Variants in NLGN1 observed in about 807,000 individuals in gnomAD.
NLGN1 encodes the protein neuroligin-1.
Under a neutral mutation model 65.5 loss-of-function variants are expected in NLGN1, and 12 were observed. That is an observed-to-expected ratio of 0.18 (90% CI 0.12 to 0.30). NLGN1 has a LOEUF of 0.30. Ranked by LOEUF, NLGN1 falls within the 10% of genes least tolerant of loss-of-function variation. The pLI, the probability that NLGN1 is intolerant of heterozygous loss-of-function variation, is 1.00. For synonymous variants in NLGN1, 350 were observed against 359.5 expected (o/e 0.97, Z 0.30); for missense variants, 750 against 1,007.1 (o/e 0.74, Z 3.46).
chr3:173,581,018 T>C (rs951068889), intron 2 of NLGN1, among the ~76,000 whole-genome samples: 4 of 152,002 alleles, frequency 2.6e-5, no homozygotes, highest in African/African-American at 9.7e-5. Flanking sequence ...AATATAATGG[T>C]ACATCTGCTT....
chr3:173,537,803 G>A (rs1376383303), intron 2 of NLGN1, among the ~76,000 whole-genome samples: 2 of 152,106 alleles, frequency 1.3e-5, no homozygotes, highest in African/African-American at 4.8e-5. Context: ...GATATCAAGA[G>A]ATGCCCTAAA....
chr3:173,620,989 A>G (rs1211211822), intron 3 of NLGN1, among the ~76,000 whole-genome samples: 1 of 152,198 alleles, frequency 6.6e-6, no homozygotes, highest in Non-Finnish European at 1.5e-5. Flanking sequence ...GTAAGTCAGA[A>G]AATGCATATT....
At chr3:173,917,638 C>T (rs1319660416) in intron 4 of NLGN1, among the ~76,000 whole-genome samples, 1 of 152,132 alleles carries the variant, frequency 6.6e-6, no homozygotes, top group Non-Finnish European at 1.5e-5. Flanking sequence ...AGTCCTTAGT[C>T]CCCTAGTGAT....
intron 3 of NLGN1, among the ~76,000 whole-genome samples, chr3:173,734,631 G>T (rs1773448778): frequency 6.6e-6 from 1 of 151,552 alleles, no homozygotes; most frequent in South Asian, 2.1e-4. Flanking sequence ...TTGAACTCCT[G>T]GCCTCAAGCA....
chr3:174,241,883 C>G (rs1742927465), intron 4 of NLGN1, among the ~76,000 whole-genome samples: 1 of 152,106 alleles, frequency 6.6e-6, no homozygotes, highest in Non-Finnish European at 1.5e-5. Flanking sequence ...TGGTCTCGAT[C>G]TCCTGACCTC....
At chr3:173,443,325 AT>A (rs1719562505) in intron 2 of NLGN1, among the ~76,000 whole-genome samples, 1 of 96,148 alleles carries the variant, frequency 1.0e-5, no homozygotes, top group Non-Finnish European at 2.4e-5. Flanking sequence ...TATACTATAT[AT>A]ATATATACAC....
In NLGN1 at chr3:174,280,112, A is replaced by G. The variant is rs1314174212; in HGVS notation, c.1650-369A>G. The stretch of plus-strand genomic sequence containing the variant: ...TGGTATATAGCAGAGCCTAGGCTCA[A>G]ACCTTCATCTGCTAATTTAAAATCA... On this transcript the variant is annotated intron_variant, in intron 6 of 6. Transcript: ENST00000457714. The surrounding 1 kb of genome is among the most constrained non-coding windows in gnomAD (Gnocchi z 4.9). Among the ~76,000 whole-genome samples, 2 of 152,012 alleles carry G rather than the reference A, an allele frequency of 1.3e-5. No homozygotes were observed. The highest frequency in any genetic ancestry group is 4.8e-5 in the African/African-American group (2 of 41,426).
intron 4 of NLGN1, among the ~76,000 whole-genome samples, chr3:173,853,418 A>G (rs569414574): frequency 9.2e-5 from 14 of 152,292 alleles, no homozygotes; most frequent in African/African-American, 3.4e-4. Flanking sequence ...TTATAATAAT[A>G]GATTTGTCTT....
intron 4 of NLGN1, among the ~76,000 whole-genome samples, chr3:174,083,555 T>C (rs1742665344): frequency 6.6e-6 from 1 of 152,152 alleles, no homozygotes; most frequent in Admixed American, 6.5e-5. Context: ...TAACATCTCA[T>C]ATATTGAGGT....
intron 2 of NLGN1, among the ~76,000 whole-genome samples, chr3:173,599,097 C>T (rs927636113): frequency 2.0e-5 from 3 of 152,096 alleles, no homozygotes; most frequent in African/African-American, 7.2e-5. Context: ...TTCATGAACT[C>T]GTTTCTAATT....
chr3:173,509,675 A>AT (rs1017427603), intron 2 of NLGN1, among the ~76,000 whole-genome samples: 2 of 152,134 alleles, frequency 1.3e-5, no homozygotes, highest in Admixed American at 6.5e-5. Flanking sequence ...ATTTTAAATG[A>AT]TTTTTTTCAC....
intron 4 of NLGN1, among the ~76,000 whole-genome samples, chr3:174,128,549 C>A (rs999819620): frequency 6.6e-6 from 1 of 152,142 alleles, no homozygotes; most frequent in Non-Finnish European, 1.5e-5. Context: ...TACTGCTGTT[C>A]TGATTGAATG....
chr3:173,814,344 A>T (rs770826778), intron 4 of NLGN1, among the ~76,000 whole-genome samples: 2 of 152,238 alleles, frequency 1.3e-5, no homozygotes, highest in Non-Finnish European at 2.9e-5. Flanking sequence ...TGTTATGTCA[A>T]CTGGGTTTTA....
chr3:173,946,439 A>G lies in NLGN1; in HGVS notation c.646+138607A>G, dbSNP rs73883614. 2.0e-3 allele frequency among the ~76,000 whole-genome samples: 307 copies of G among 152,322 alleles called. 1 individual carries two copies. Among genetic ancestry groups the G allele is most frequent in the African/African-American group, 7.1e-3 (294 of 41,570 alleles). The stretch of plus-strand genomic sequence containing the variant: ...TAGTTTATGAACATTTCCTTTGTCA[A>G]TAGTATTGTTTACAGCACTATTTTT... On this transcript the variant is annotated intron_variant, in intron 4 of 6. Transcript: ENST00000457714.
intron 4 of NLGN1, among the ~76,000 whole-genome samples, chr3:173,855,790 C>T (rs1008463500): frequency 7.9e-5 from 12 of 152,064 alleles, no homozygotes; most frequent in African/African-American, 1.9e-4. Flanking sequence ...AGAGGCAAGG[C>T]GATATCACAA....
intron 4 of NLGN1, among the ~76,000 whole-genome samples, chr3:174,137,448 TATGAC>T: frequency 6.6e-6 from 1 of 152,136 alleles, no homozygotes; most frequent in East Asian, 1.9e-4. Context: ...TAACTAGCCA[TATGAC>T]CTTGGAAAAC....
At chr3:173,613,971 TTTC>T (rs1002159301) in intron 3 of NLGN1, among the ~76,000 whole-genome samples, 7 of 151,554 alleles carry the variant, frequency 4.6e-5, no homozygotes, top group African/African-American at 9.7e-5. Context: ...TCACTTTCCT[TTTC>T]TTCTTCTTCT....
At chr3:174,231,392 C>T (rs1158217725) in intron 4 of NLGN1, among the ~76,000 whole-genome samples, 1 of 152,112 alleles carries the variant, frequency 6.6e-6, no homozygotes, top group Non-Finnish European at 1.5e-5. Flanking sequence ...TACAGCTCAG[C>T]GTTGGACTTC....
intron 3 of NLGN1, among the ~76,000 whole-genome samples, chr3:173,736,590 C>A (rs559217868): frequency 6.6e-6 from 1 of 151,864 alleles, no homozygotes; most frequent in South Asian, 2.1e-4. Context: ...CTGATGAAGT[C>A]CTCCATCTTT....
Sources: gnomAD v4.1 joint callset for allele counts (sites outside exome capture counted in the v4.1 genomes callset) on GRCh38, gnomAD v4.1.1 for gene constraint, Gnocchi (gnomAD v3.1) non-coding constraint, MANE v1.5 for transcripts, NCBI Gene and HGNC (gene_info 2026-07-23, HGNC 2026-07-21) for gene names.